The following CENPC variants were observed in gnomAD, a reference collection of about 807,000 sequenced individuals.
CENPC encodes centromere protein C.
In CENPC, 63 loss-of-function variants were observed where a neutral mutation model predicts 112.1. The ratio of observed to expected loss-of-function variants is 0.56; its 90% CI spans 0.46 to 0.69. The LOEUF (loss-of-function observed/expected upper bound fraction) is 0.69. CENPC is among the 30% of genes least tolerant of loss of function. CENPC has a pLI of 0.00. For missense variants in CENPC, 1,000 were observed against 1,103.8 expected, an observed-to-expected ratio of 0.91 and a Z score of 1.33; for synonymous variants, 333 against 367.6, an observed-to-expected ratio of 0.91 and a Z score of 1.08.
intron 16 of CENPC, among the ~76,000 whole-genome samples, chr4:67,491,482 G>T (rs57261764): frequency 0.011 from 513 of 48,362 alleles, 3 homozygotes; most frequent in African/African-American, 0.03. Context: ...TATATATATA[G>T]AGAGAGAGAG....
rs1019838293 is a variant in CENPC at position 67,545,453 on chromosome 4, A to C, written c.-98T>G. ...GCAAGAAACGAATCGCCGGAATACCAGGCCGCGGCCAAGCAATAACCTTAA... is the reference window on the plus strand; with the variant it reads ...GCAAGAAACGAATCGCCGGAATACCCGGCCGCGGCCAAGCAATAACCTTAA... On this transcript the variant is annotated 5_prime_UTR_variant, in exon 1 of 19. Coordinates refer to ENST00000273853, the MANE Select transcript of CENPC (RefSeq NM_001812.4). 2.5e-5 allele frequency: 33 copies of C among 1,305,014 alleles called. No homozygotes were observed. The African/African-American group carries it at 2.9e-4, about 11-fold the overall frequency. The allele number at this position is 1,305,014 out of a possible 1,614,324, so 80.8% of individuals were successfully genotyped here.
Position 67,518,159 on chromosome 4 carries a change from G to T in CENPC, c.827C>A (p.Ser276Tyr), listed in dbSNP as rs374266998. 7.2e-5 allele frequency: 110 copies of T among 1,519,030 alleles called. No homozygotes were observed. Among genetic ancestry groups the T allele is most frequent in the Admixed American group, 3.1e-4 (15 of 48,548 alleles). The allele number at this position is 1,519,030 out of a possible 1,614,324, so 94.1% of individuals were successfully genotyped here. Residue 276 changes from serine (S) to tyrosine (Y), a missense_variant, in exon 7 of 19, where the codon TCC (serine) becomes TAC (tyrosine). Coordinates refer to ENST00000273853, the MANE Select transcript of CENPC (RefSeq NM_001812.4). ...GGGCAGTTTCTTAATAACTCACCTG[G>T]ATTCACTTTTTCGTTTTACTGTTTC... ...FLETVKRKSESSPIVRHAATA... is the reference protein window; with the variant it reads ...FLETVKRKSEYSPIVRHAATA...
At chr4:67,498,008 A>G (rs1725488042) in intron 12 of CENPC, among the ~76,000 whole-genome samples, 1 of 152,072 alleles carries the variant, frequency 6.6e-6, no homozygotes, top group Non-Finnish European at 1.5e-5. Context: ...AGGAGGGTGG[A>G]TCACTTGAGG....
intron 5 of CENPC, among the ~76,000 whole-genome samples, chr4:67,526,241 C>T (rs774884994): frequency 3.3e-5 from 5 of 151,858 alleles, no homozygotes; most frequent in Middle Eastern, 3.4e-3. Flanking sequence ...ACCAAGATGA[C>T]GGGTTGATAG....
At chr4:67,520,842 T>C (rs1016456006) in intron 5 of CENPC, among the ~76,000 whole-genome samples, 2 of 151,940 alleles carry the variant, frequency 1.3e-5, no homozygotes, top group African/African-American at 2.4e-5. Flanking sequence ...CGAAACCCCA[T>C]CTCTACTAAA....
At chr4:67,489,197 T>TACACACACACACACAC in intron 17 of CENPC, among the ~76,000 whole-genome samples, 1 of 148,472 alleles carries the variant, frequency 6.7e-6, no homozygotes, top group East Asian at 2.0e-4. Context: ...CTGTTATACA[T>TACACACACACACACAC]ACACACACAC....
intron 12 of CENPC, among the ~76,000 whole-genome samples, chr4:67,495,421 C>T (rs1725405150): frequency 1.3e-5 from 2 of 152,128 alleles, no homozygotes. Flanking sequence ...GAATACATTG[C>T]AAGTTTGTCC....
intron 17 of CENPC, among the ~76,000 whole-genome samples, chr4:67,486,906 C>T (rs1208742233): frequency 1.3e-5 from 2 of 149,050 alleles, no homozygotes; most frequent in East Asian, 3.9e-4. Context: ...CACTTTATTT[C>T]TTGTAAACTG....
chr4:67,524,594 G>A (rs926718594), intron 5 of CENPC, among the ~76,000 whole-genome samples: 5 of 152,056 alleles, frequency 3.3e-5, no homozygotes, highest in African/African-American at 1.2e-4. Flanking sequence ...CTGCTACAGA[G>A]AAAATAAAAT....
chr4:67,516,110 G>C (rs1204165008), intron 7 of CENPC, among the ~76,000 whole-genome samples: 1 of 151,964 alleles, frequency 6.6e-6, no homozygotes, highest in Admixed American at 6.5e-5. Context: ...GCATGTACAT[G>C]TTAAGAACAT....
intron 17 of CENPC, among the ~76,000 whole-genome samples, chr4:67,483,176 A>C (rs1278629124): frequency 1.3e-5 from 2 of 152,092 alleles, no homozygotes; most frequent in Non-Finnish European, 2.9e-5. Context: ...CTTTCCTTTC[A>C]AAATTACCCA....
In CENPC at chr4:67,469,634, T is replaced by C. The variant is rs6818631; in HGVS notation, c.*2971A>G. 95,321 of 152,254 alleles carry C rather than the reference T, an allele frequency of 0.63. 30,074 individuals are homozygous for C. Among genetic ancestry groups the C allele is most frequent in the East Asian group, 0.81 (4,204 of 5,174 alleles). The allele number at this position is 152,254 out of a possible 1,614,324, so 9.4% of individuals were successfully genotyped here. A position where few individuals can be genotyped will look rare whatever the true frequency, so the allele number is the denominator to read the frequency against. On this transcript the variant is annotated 3_prime_UTR_variant, in exon 19 of 19. Coordinates refer to ENST00000273853, the MANE Select transcript of CENPC (RefSeq NM_001812.4). ...TTGGGATTACAGGCATGAGCCACCA[T>C]GCCCGGGTAGAAGTCTCTTTCTTTA...
chr4:67,492,190 A>C lies in CENPC; in HGVS notation c.2505T>G (p.Ile835Met). The change falls in exon 16 of 19, where the codon ATT becomes ATG. Residue 835 changes from isoleucine (I) to methionine (M), a missense_variant. Transcript: ENST00000273853. The part of the protein sequence containing the change: ...TRVKDPETRE[I>M]ILMDLVRPQD... ...CATGCCTGATCTTACCCATGAGAAT[A>C]ATCTCTCTTGTTTCTGGGTCCTTTA... The C allele has an allele frequency of 6.4e-7, 1 of 1,556,878 alleles. No individual in the cohort carries two copies. Among genetic ancestry groups the C allele is most frequent in the Non-Finnish European group, 8.7e-7 (1 of 1,146,704 alleles).
chr4:67,492,944 T>C lies in CENPC; in HGVS notation c.2344A>G (p.Lys782Glu). ...ACTTTTCCAATATTTTCTTTTGCCT[T>C]CCTTTTAGACGATATTGTGTCTGGA... ...LSPDTISSKR[K>E]AKENIGKVNK... The change falls in exon 15 of 19, where the codon AAG (lysine) becomes GAG (glutamate). Residue 782 changes from lysine to glutamate, a missense_variant. By Grantham distance (56) the Lys-to-Glu change is moderately conservative (BLOSUM62 1). Transcript: ENST00000273853. 1 of 1,560,208 alleles carries C rather than the reference T, an allele frequency of 6.4e-7. No homozygotes were observed. Among genetic ancestry groups the C allele is most frequent in the Non-Finnish European group, 8.7e-7 (1 of 1,151,098 alleles).
intron 1 of CENPC, 55 bp downstream of exon 1, chr4:67,545,275 TCGGGCGCC>T: frequency 1.4e-6 from 2 of 1,437,296 alleles, no homozygotes; most frequent in Admixed American, 5.2e-5. Flanking sequence ...CTCCCCAGCC[TCGGGCGCC>T]CGTGCCCCAG....
chr4:67,492,104 A>C, intron 16 of CENPC, 76 bp downstream of exon 16: 19 of 943,146 alleles, frequency 2.0e-5, no homozygotes, highest in South Asian at 3.1e-5. Flanking sequence ...GAAAGTAGAC[A>C]GGCCAATCAT....
At chr4:67,493,052 A>G in intron 14 of CENPC, 55 bp from the exon 15 acceptor site, 1 of 1,359,232 alleles carries the variant, frequency 7.4e-7, no homozygotes, top group Non-Finnish European at 9.9e-7. Context: ...ATCTTGAAAC[A>G]AAACTCCTTA....
intron 12 of CENPC, among the ~76,000 whole-genome samples, chr4:67,503,504 T>G (rs1725649237): frequency 1.3e-5 from 2 of 152,150 alleles, no homozygotes. Flanking sequence ...TTATATTGTC[T>G]GCCATCCTGC....
At chr4:67,543,256 G>A (rs771484977) in intron 2 of CENPC, among the ~76,000 whole-genome samples, 14 of 151,986 alleles carry the variant, frequency 9.2e-5, no homozygotes, top group Non-Finnish European at 1.8e-4. Flanking sequence ...CTTAAATCAG[G>A]TCTCTCTGCT....
Sources: allele counts gnomAD v4.1 joint callset (sites outside exome capture counted in the v4.1 genomes callset), GRCh38; gene constraint gnomAD v4.1.1; transcripts MANE v1.5; gene names NCBI Gene and HGNC (gene_info 2026-07-23, HGNC 2026-07-21).